TDP2: variants seen among roughly 807,000 people sequenced by gnomAD.
TDP2 encodes the protein 5'-Tyr-DNA phosphodiesterase.
Under a neutral mutation model 42.8 loss-of-function variants are expected in TDP2, and 38 were observed. That is an observed-to-expected ratio of 0.89 (90% confidence interval 0.68 to 1.16). TDP2 has a LOEUF of 1.16. TDP2 is among the 50% of genes most tolerant of loss of function. TDP2 has a pLI of 0.00. For missense variants in TDP2, 439 were observed against 439.3 expected, an observed-to-expected ratio of 1.00 and a Z score of 0.01; for synonymous variants, 173 against 150.6, an observed-to-expected ratio of 1.15 and a Z score of -1.09.
At chr6:24,651,903 A>T (rs1251432058) in intron 6 of TDP2, among the ~76,000 whole-genome samples, 3 of 152,196 alleles carry the variant, frequency 2.0e-5, no homozygotes, top group Admixed American at 2.0e-4. Context: ...ACAATTTTTA[A>T]GTGTACAGTG....
chr6:24,660,376 T>C (rs6937533), intron 2 of TDP2, among the ~76,000 whole-genome samples: 31,938 of 152,168 alleles, frequency 0.21, 3,660 homozygotes, highest in Non-Finnish European at 0.26. Context: ...CTAGGCTATA[T>C]GGTCTAGCCT....
At position 24,652,848 on chromosome 6, in the gene TDP2, C is replaced by A. The variant is rs1021106302; in HGVS notation, c.807+135G>T. The A allele has an allele frequency of 5.4e-6, 5 of 922,584 alleles. No homozygotes were observed. The East Asian group carries it at 7.5e-5, about 14-fold the overall frequency. 57.1% of individuals were successfully genotyped at this position (922,584 alleles called of 1,614,324 possible). A position where few individuals can be genotyped will look rare whatever the true frequency, so the allele number is the denominator to read the frequency against. On this transcript the variant is annotated intron_variant, in intron 6 of 6. Transcript: ENST00000378198. ...ATACAGCATAGGCTAAACAAATATT[C>A]GCTGAATTGCAAGGTCACTTAAGAC...
intron 6 of TDP2, among the ~76,000 whole-genome samples, chr6:24,651,715 T>C (rs919175637): frequency 2.0e-5 from 3 of 152,130 alleles, no homozygotes; most frequent in East Asian, 3.9e-4. Context: ...GCCTTCTGCA[T>C]AGCTGGGATC....
At position 24,659,116 on chromosome 6, in the gene TDP2, C is replaced by T. The variant is rs552985122; in HGVS notation, c.252-382G>A. 4.3e-5 allele frequency: 7 copies of T among 161,662 alleles called. No homozygotes were observed. In the South Asian group the frequency reaches 6.5e-4, roughly 15 times the overall value. The allele number at this position is 161,662 out of a possible 1,614,324, so 10.0% of individuals were successfully genotyped here. A position where few individuals can be genotyped will look rare whatever the true frequency, so the allele number is the denominator to read the frequency against. On this transcript the variant is annotated intron_variant, in intron 2 of 6. Transcript: ENST00000378198. ...GACACCAACCAGTTTGAAGACACCC[C>T]GACAGGAACCGAATCAGCATGAGAA... is the stretch of plus-strand genomic sequence containing the variant.
intron 2 of TDP2, among the ~76,000 whole-genome samples, chr6:24,663,891 C>T (rs1189725659): frequency 6.6e-6 from 1 of 152,132 alleles, no homozygotes; most frequent in African/African-American, 2.4e-5. Flanking sequence ...GCAACACCCA[C>T]AATATTTAAT....
At chr6:24,661,520 CTTTT>C (rs1303968601) in intron 2 of TDP2, among the ~76,000 whole-genome samples, 1 of 152,116 alleles carries the variant, frequency 6.6e-6, no homozygotes, top group Non-Finnish European at 1.5e-5. Context: ...TCAGTCATTT[CTTTT>C]TAACTTCTTT....
rs1777946401 is a variant in TDP2, at chr6:24,650,113, T to C, written c.*675A>G. On this transcript the variant is annotated 3_prime_UTR_variant, in exon 7 of 7. Coordinates refer to ENST00000378198, the MANE Select transcript of TDP2 (RefSeq NM_016614.3). Reference sequence around the variant, plus strand: ...ATTAGCAAAACTAAAAGGCTATGTCTCTTCATGCATTTATTTTTGTTAGAA... The same window carrying C: ...ATTAGCAAAACTAAAAGGCTATGTCCCTTCATGCATTTATTTTTGTTAGAA... 6.6e-6 allele frequency: 1 copy of C among 152,236 alleles called. No homozygotes were observed. Among genetic ancestry groups the C allele is most frequent in the Non-Finnish European group, 1.5e-5 (1 of 68,042 alleles). The allele number at this position is 152,236 out of a possible 1,614,324, so 9.4% of individuals were successfully genotyped here.
chr6:24,665,219 T>C (rs1582426623), intron 2 of TDP2, among the ~76,000 whole-genome samples: 1 of 152,202 alleles, frequency 6.6e-6, no homozygotes, highest in Non-Finnish European at 1.5e-5. Flanking sequence ...AAAAGATATG[T>C]ATGAATCCTC....
In TDP2 at chr6:24,664,096, G is replaced by C. The variant is rs563368280; in HGVS notation, c.251+2430C>G. The stretch of plus-strand genomic sequence containing the variant: ...AAGTGCTTTTGTCAGTATATCTGGT[G>C]TCTTAGGTTTTATGTGTTAGGCCAG... On this transcript the variant is annotated intron_variant, in intron 2 of 6. Coordinates refer to ENST00000378198, the MANE Select transcript of TDP2 (RefSeq NM_016614.3). 2.0e-5 allele frequency among the ~76,000 whole-genome samples: 3 copies of C among 152,292 alleles called. No individual in the cohort carries two copies. The East Asian group carries it at 5.8e-4, about 29-fold the overall frequency.
At chr6:24,663,321 TC>T (rs17249582) in intron 2 of TDP2, among the ~76,000 whole-genome samples, 19,364 of 152,014 alleles carry the variant, frequency 0.13, 2,273 homozygotes, top group East Asian at 0.45. Context: ...CATATTACTA[TC>T]CCCACTGCAC....
chr6:24,653,953 T>C (rs1438230381), intron 5 of TDP2, among the ~76,000 whole-genome samples: 1 of 152,210 alleles, frequency 6.6e-6, no homozygotes, highest in African/African-American at 2.4e-5. Context: ...CTAAACAATC[T>C]GGCTAAAAGT....
chr6:24,660,628 G>A (rs1375379662), intron 2 of TDP2, among the ~76,000 whole-genome samples: 1 of 152,150 alleles, frequency 6.6e-6, no homozygotes, highest in Admixed American at 6.5e-5. Flanking sequence ...GATTATCATT[G>A]ATATAAGTTT....
intron 3 of TDP2, 112 bp downstream of exon 3, chr6:24,658,449 T>C (rs1211201265): frequency 1.9e-5 from 15 of 789,228 alleles, no homozygotes; most frequent in Admixed American, 3.6e-5. Context: ...CAGATGTTTC[T>C]TCTCAGAGCT....
chr6:24,659,495 GTAGA>G (rs17249911), intron 2 of TDP2, among the ~76,000 whole-genome samples: 2,947 of 152,262 alleles, frequency 0.019, 91 homozygotes, highest in African/African-American at 0.064. Context: ...TTTTGGGTTC[GTAGA>G]TAGATTCTTA....
chr6:24,665,714 T>C (rs1778219136), intron 2 of TDP2, among the ~76,000 whole-genome samples: 2 of 152,210 alleles, frequency 1.3e-5, no homozygotes, highest in Non-Finnish European at 2.9e-5. Flanking sequence ...ACAGCAATTA[T>C]AATACGGACT....
At chr6:24,651,139 AAAG>A (rs1777968819) in intron 6 of TDP2, 70 bp from the exon 7 acceptor site, 3 of 1,320,502 alleles carry the variant, frequency 2.3e-6, no homozygotes, top group Non-Finnish European at 2.1e-6. Context: ...AAAAAAAAAA[AAAG>A]GTGTTTTTGC....
chr6:24,651,876 T>C (rs1468491362), intron 6 of TDP2, among the ~76,000 whole-genome samples: 1 of 152,220 alleles, frequency 6.6e-6, no homozygotes, highest in Non-Finnish European at 1.5e-5. Context: ...CATGAGCCAC[T>C]GTGCCCAGCC....
At chr6:24,659,041 T>C (rs1477451416) in intron 2 of TDP2, 1 of 225,868 alleles carries the variant, frequency 4.4e-6, no homozygotes, top group African/African-American at 2.3e-5. Context: ...AGGCTTTTGT[T>C]TAAGCATTGC....
intron 2 of TDP2, among the ~76,000 whole-genome samples, chr6:24,662,475 C>G (rs1373206518): frequency 6.6e-6 from 1 of 152,086 alleles, no homozygotes; most frequent in Non-Finnish European, 1.5e-5. Flanking sequence ...TAAACCTGGC[C>G]TACGTGCATA....
Sources: allele counts gnomAD v4.1 joint callset (sites outside exome capture counted in the v4.1 genomes callset), GRCh38; gene constraint gnomAD v4.1.1; transcripts MANE v1.5; gene names NCBI Gene and HGNC (gene_info 2026-07-23, HGNC 2026-07-21).